The following TTC21B variants were observed in gnomAD, a reference collection of about 807,000 sequenced individuals.
The protein encoded by TTC21B is tetratricopeptide repeat protein 21B.
A neutral mutation model predicts 175.1 loss-of-function variants in TTC21B; 127 were observed. The ratio of observed to expected loss-of-function variants is 0.73; its 90% confidence interval spans 0.63 to 0.84. The LOEUF is 0.84. Ranked by LOEUF, TTC21B falls within the 40% of genes least tolerant of loss-of-function variation. The pLI is 0.00. For missense variants in TTC21B, 1,561 were observed against 1,558.3 expected (o/e 1.00, Z -0.03); for synonymous variants, 524 against 524.5 (o/e 1.00, Z 0.01).
chr2:165,914,515 G>C (rs988554796), intron 15 of TTC21B, among the ~76,000 whole-genome samples: 6 of 152,066 alleles, frequency 3.9e-5, no homozygotes, highest in African/African-American at 1.4e-4. Context: ...TTTTGAGTTT[G>C]ATATAATATA....
chr2:165,878,131 G>A (rs1684728510), intron 27 of TTC21B, among the ~76,000 whole-genome samples: 2 of 152,004 alleles, frequency 1.3e-5, no homozygotes, highest in Non-Finnish European at 2.9e-5. Flanking sequence ...CTTGTGAAAT[G>A]GTTTTTAAAA....
chr2:165,906,341 G>A (rs1685733557), intron 19 of TTC21B, among the ~76,000 whole-genome samples: 1 of 142,688 alleles, frequency 7.0e-6, no homozygotes, highest in Non-Finnish European at 1.5e-5. Context: ...AACATTTAAT[G>A]AAGCCAGAAA....
At chr2:165,947,972 T>C (rs1040364780) in intron 3 of TTC21B, 1 of 152,208 alleles carries the variant, frequency 6.6e-6, no homozygotes, top group Non-Finnish European at 1.5e-5. Context: ...TAATAAATTA[T>C]TTTGTACTAA....
intron 11 of TTC21B, 58 bp downstream of exon 11, chr2:165,929,077 T>A: frequency 1.3e-6 from 2 of 1,525,164 alleles, no homozygotes; most frequent in East Asian, 2.3e-5. Context: ...AACTTTTAAG[T>A]TCTTTCATAA....
chr2:165,880,667 T>A lies in TTC21B; in HGVS notation c.3805+12A>T. 1 of 1,613,370 alleles carries A rather than the reference T, an allele frequency of 6.2e-7. No individual in the cohort carries two copies. Among genetic ancestry groups the A allele is most frequent in the Non-Finnish European group, 8.5e-7 (1 of 1,179,680 alleles). Reference sequence around the variant, plus strand: ...TTTTTCTGTGAAAAATCTAGGTGATTGCCAAACTCACCTACTGCCGGATTT... The same window carrying A: ...TTTTTCTGTGAAAAATCTAGGTGATAGCCAAACTCACCTACTGCCGGATTT... On this transcript the variant is annotated intron_variant, in intron 27 of 28. Transcript: ENST00000243344.
chr2:165,936,086 A>G (rs1046907847), intron 6 of TTC21B, among the ~76,000 whole-genome samples: 21 of 146,502 alleles, frequency 1.4e-4, no homozygotes, highest in African/African-American at 4.9e-4. Context: ...TTCAGTAATC[A>G]AGAGAGTAGT....
chr2:165,900,777 AT>A (rs2105304803), intron 20 of TTC21B, among the ~76,000 whole-genome samples: 1 of 152,268 alleles, frequency 6.6e-6, no homozygotes, highest in Non-Finnish European at 1.5e-5. Context: ...AATTGATACA[AT>A]AAATTTGAAA....
intron 22 of TTC21B, among the ~76,000 whole-genome samples, chr2:165,891,389 T>C (rs1223601523): frequency 6.6e-6 from 1 of 152,108 alleles, no homozygotes; most frequent in Non-Finnish European, 1.5e-5. Context: ...CTACATACTG[T>C]TGCTAGGAAG....
At chr2:165,953,584 T>C in intron 1 of TTC21B, 101 bp downstream of exon 1, 1 of 1,523,200 alleles carries the variant, frequency 6.6e-7, no homozygotes, top group South Asian at 1.2e-5. Context: ...AACAGCGGCC[T>C]AGCGAAGCCA....
intron 6 of TTC21B, among the ~76,000 whole-genome samples, chr2:165,934,517 AAAAAG>A (rs1553514800): frequency 9.4e-5 from 11 of 116,522 alleles, no homozygotes; most frequent in Non-Finnish European, 1.4e-4. Flanking sequence ...AAAAAAAAAA[AAAAAG>A]AAAAGAAACG....
Position 165,943,326 on chromosome 2 carries a change from C to A in TTC21B, c.445G>T (p.Ala149Ser). 6.2e-7 allele frequency: 1 copy of A among 1,608,458 alleles called. No homozygotes were observed. The highest frequency in any genetic ancestry group is 8.5e-7 in the Non-Finnish European group (1 of 1,175,278). The change falls in exon 5 of 29, where the codon GCA (alanine) becomes TCA (serine). Residue 149 changes from alanine to serine, a missense_variant. Physicochemically the swap from Ala to Ser is moderately conservative, Grantham distance 99. Coordinates refer to ENST00000243344, the MANE Select transcript of TTC21B (RefSeq NM_024753.5). ...DGSKQGHVLKAWLDITRGKEP... is the reference protein window; with the variant it reads ...DGSKQGHVLKSWLDITRGKEP... ...TTTCCTCTTGTAATATCAAGCCATG[C>A]TTTCAAAACGTGTCCCTGTAAAATG...
Position 165,949,588 on chromosome 2 carries a change from C to A in TTC21B, c.151+7G>T, listed in dbSNP as rs973951717. 4 of 1,613,780 alleles carry A rather than the reference C, an allele frequency of 2.5e-6. No homozygotes were observed. Among genetic ancestry groups the A allele is most frequent in the Non-Finnish European group, 3.4e-6 (4 of 1,179,862 alleles). ...CTGATGGAACATGTTTAATGATTAA[C>A]ACGTACCTTCCATTAATGTGCCATA... On this transcript the variant is annotated splice_region_variant and intron_variant, in intron 2 of 28. Transcript: ENST00000243344.
chr2:165,914,280 C>T (rs1039548776), intron 15 of TTC21B, among the ~76,000 whole-genome samples: 1 of 152,146 alleles, frequency 6.6e-6, no homozygotes, highest in African/African-American at 2.4e-5. Flanking sequence ...GCTGATGTGT[C>T]AGATCTTCCT....
intron 14 of TTC21B, among the ~76,000 whole-genome samples, chr2:165,916,094 A>C (rs1574101044): frequency 6.6e-6 from 1 of 152,178 alleles, no homozygotes; most frequent in Non-Finnish European, 1.5e-5. Context: ...ACCATCCTGC[A>C]TAACATAGGG....
intron 27 of TTC21B, 86 bp from the exon 28 acceptor site, chr2:165,876,318 A>T: frequency 1.2e-6 from 1 of 858,908 alleles, no homozygotes; most frequent in Admixed American, 1.8e-5. Context: ...TTGCTTACTC[A>T]CTAGAGAATG....
intron 6 of TTC21B, chr2:165,933,883 T>C (rs973049763): frequency 1.3e-5 from 2 of 152,190 alleles, no homozygotes; most frequent in African/African-American, 4.8e-5. Context: ...TCTCTGGCAC[T>C]TGCTATCAGT....
At chr2:165,909,801 A>C (rs1685867632) in intron 18 of TTC21B, among the ~76,000 whole-genome samples, 1 of 152,210 alleles carries the variant, frequency 6.6e-6, no homozygotes. Flanking sequence ...ATATTAAGAT[A>C]CAGTGGAATA....
chr2:165,926,991 CATATATATATATAT>C lies in TTC21B; in HGVS notation c.1386+2130_1386+2143del, dbSNP rs367965246. On this transcript the variant is annotated intron_variant, in intron 11 of 28. Transcript: ENST00000243344. ...TATATGGAGTATATATATAAACTCC[CATATATATATATAT>C]ATATATATATATCTCCTAGTAGTTA... 6.8e-4 allele frequency among the ~76,000 whole-genome samples: 10 copies of C among 14,620 alleles called. 1 individual carries two copies. The highest frequency in any genetic ancestry group is 1.5e-3 in the African/African-American group (8 of 5,424). The allele number at this position is 14,620 out of a possible 152,430, so 9.6% of individuals were successfully genotyped here.
At chr2:165,939,574 C>G (rs976057767) in intron 6 of TTC21B, among the ~76,000 whole-genome samples, 5 of 152,074 alleles carry the variant, frequency 3.3e-5, no homozygotes, top group Non-Finnish European at 7.4e-5. Context: ...TATTCTTGAT[C>G]TCATGGCTTT....
Sources: gnomAD v4.1 joint callset for allele counts (sites outside exome capture counted in the v4.1 genomes callset) on GRCh38, gnomAD v4.1.1 for gene constraint, MANE v1.5 for transcripts, NCBI Gene and HGNC (gene_info 2026-07-23, HGNC 2026-07-21) for gene names.